PAPPA: variants seen among roughly 807,000 people sequenced by gnomAD.
PAPPA encodes the protein pappalysin-1.
PAPPA carries 60 observed loss-of-function variants against 164.0 expected under a neutral mutation model. The observed-to-expected ratio is 0.37, with a 90% CI of 0.30 to 0.45. PAPPA has a LOEUF of 0.45. Among genes scored for constraint, PAPPA ranks in the 20% least tolerant of loss-of-function variants. The pLI is 1.00. For synonymous variants in PAPPA, 875 were observed against 814.1 expected, an observed-to-expected ratio of 1.07 and a Z score of -1.27; for missense variants, 1,782 against 2,087.3, an observed-to-expected ratio of 0.85 and a Z score of 2.85.
chr9:116,193,877 G>A (rs879211409), intron 2 of PAPPA, among the ~76,000 whole-genome samples: 1 of 152,186 alleles, frequency 6.6e-6, no homozygotes, highest in Admixed American at 6.5e-5. Flanking sequence ...CATGAGCTCT[G>A]AGAAAGGGCA....
chr9:116,304,204 T>G (rs1845615705), intron 10 of PAPPA, among the ~76,000 whole-genome samples: 1 of 152,252 alleles, frequency 6.6e-6, no homozygotes, highest in Non-Finnish European at 1.5e-5. Flanking sequence ...CCCATTAGGC[T>G]GCTGGTTCTT....
At chr9:116,241,461 G>C (rs563168906) in intron 7 of PAPPA, among the ~76,000 whole-genome samples, 14 of 152,262 alleles carry the variant, frequency 9.2e-5, no homozygotes, top group Admixed American at 7.8e-4. Flanking sequence ...ATGAAAGCTA[G>C]CTGAGCTGCC....
intron 21 of PAPPA, among the ~76,000 whole-genome samples, chr9:116,393,247 C>T (rs910062827): frequency 6.6e-6 from 1 of 152,136 alleles, no homozygotes; most frequent in Non-Finnish European, 1.5e-5. Flanking sequence ...TTGCCTTCTA[C>T]CTTTCTCAGA....
In PAPPA at chr9:116,235,465, C is replaced by G; in HGVS notation, c.2560C>G (p.Gln854Glu). The stretch of plus-strand genomic sequence containing the variant: ...CGTGGGCGAGGAGGTGTATGGCATC[C>G]AAATCTACACGCTGGATGAGCACCT... ...WDVGEEVYGI[Q>E]IYTLDEHLEI... The change falls in exon 7 of 22, where the codon CAA (glutamine) becomes GAA (glutamate). Residue 854 changes from glutamine to glutamate, a missense_variant. Gln to Glu is a conservative substitution (Grantham distance 29). Transcript: ENST00000328252. 1 of 1,612,282 alleles carries G rather than the reference C, an allele frequency of 6.2e-7. No homozygotes were observed. Among genetic ancestry groups the G allele is most frequent in the Non-Finnish European group, 8.5e-7 (1 of 1,179,408 alleles).
intron 9 of PAPPA, among the ~76,000 whole-genome samples, chr9:116,278,873 T>C (rs1845234018): frequency 2.6e-5 from 4 of 152,236 alleles, no homozygotes; most frequent in African/African-American, 4.8e-5. Context: ...ATAACATCTA[T>C]AGAGTGTTTA....
rs548957415 is a variant in PAPPA, at chr9:116,399,869, C to T, written c.*3253C>T. On this transcript the variant is annotated 3_prime_UTR_variant, in exon 22 of 22. Transcript: ENST00000328252. ...TCAACACATTGAGTCACTGCCTAGA[C>T]GGTTCTCTTGGTCTTATTCCCATCC... 1.5e-4 allele frequency: 23 copies of T among 152,682 alleles called. No homozygotes were observed. The highest frequency in any genetic ancestry group is 1.9e-4 in the African/African-American group (8 of 41,542). 9.5% of individuals were successfully genotyped at this position (152,682 alleles called of 1,614,324 possible).
intron 1 of PAPPA, among the ~76,000 whole-genome samples, chr9:116,155,980 A>T (rs932994054): frequency 1.3e-5 from 2 of 151,446 alleles, no homozygotes; most frequent in Non-Finnish European, 2.9e-5. Flanking sequence ...TGCCCAGAGG[A>T]GGGTCTAATT....
At chr9:116,165,988 C>A (rs1483939142) in intron 1 of PAPPA, among the ~76,000 whole-genome samples, 1 of 152,114 alleles carries the variant, frequency 6.6e-6, no homozygotes, top group Non-Finnish European at 1.5e-5. Context: ...AGTATCTGAC[C>A]TATAAAGGGG....
Position 116,185,564 on chromosome 9 carries a change from G to A in PAPPA, c.416-1590G>A, listed in dbSNP as rs187612032. Among the ~76,000 whole-genome samples, 89 of 152,262 alleles carry A rather than the reference G, an allele frequency of 5.8e-4. 1 individual carries two copies. The highest frequency in any genetic ancestry group is 1.7e-3 in the South Asian group (8 of 4,816). On this transcript the variant is annotated intron_variant, in intron 1 of 21. Coordinates refer to ENST00000328252, the MANE Select transcript of PAPPA (RefSeq NM_002581.5). ...GAGAGTAGTCACTGTCCTTCTAAAT[G>A]AGCATCTTTTATTCACTCTCCTCTC...
chr9:116,236,916 G>A (rs979228154), intron 7 of PAPPA, among the ~76,000 whole-genome samples: 1 of 152,178 alleles, frequency 6.6e-6, no homozygotes, highest in African/African-American at 2.4e-5. Context: ...GCACTCAACT[G>A]GTGCTCAATT....
At chr9:116,385,230 T>G in intron 21 of PAPPA, among the ~76,000 whole-genome samples, 1 of 132,954 alleles carries the variant, frequency 7.5e-6, no homozygotes, top group Admixed American at 9.0e-5. Context: ...CGAGACTCCA[T>G]CTCAAAATAA....
chr9:116,191,518 G>T (rs1225396950), intron 2 of PAPPA, among the ~76,000 whole-genome samples: 1 of 152,144 alleles, frequency 6.6e-6, no homozygotes, highest in Non-Finnish European at 1.5e-5. Flanking sequence ...CTCTTCACTG[G>T]GGGTGTTGCA....
At chr9:116,255,388 G>C (rs1025678989) in intron 7 of PAPPA, among the ~76,000 whole-genome samples, 3 of 151,974 alleles carry the variant, frequency 2.0e-5, no homozygotes, top group Admixed American at 6.6e-5. Context: ...AAATAGTATG[G>C]AAAATTTGGT....
In PAPPA at chr9:116,401,590, G is replaced by A. The variant is rs1196888945; in HGVS notation, c.*4974G>A. ...TGTATATATAGTTGTACATATATGTGTGTATATATATACTTAAATGTAATA... is the reference window on the plus strand; with the variant it reads ...TGTATATATAGTTGTACATATATGTATGTATATATATACTTAAATGTAATA... On this transcript the variant is annotated 3_prime_UTR_variant, in exon 22 of 22. Transcript: ENST00000328252. 2 of 151,064 alleles carry A rather than the reference G, an allele frequency of 1.3e-5. No individual in the cohort carries two copies. Among genetic ancestry groups the A allele is most frequent in the East Asian group, 3.9e-4 (2 of 5,180 alleles). The allele number at this position is 151,064 out of a possible 1,614,324, so 9.4% of individuals were successfully genotyped here. A position where few individuals can be genotyped will look rare whatever the true frequency, so the allele number is the denominator to read the frequency against.
intron 17 of PAPPA, among the ~76,000 whole-genome samples, chr9:116,361,760 A>G (rs1846429700): frequency 6.6e-6 from 1 of 152,188 alleles, no homozygotes; most frequent in Non-Finnish European, 1.5e-5. Context: ...TAGATCGCAG[A>G]GGCAGGCACT....
intron 15 of PAPPA, among the ~76,000 whole-genome samples, chr9:116,348,296 T>A (rs890816678): frequency 1.3e-5 from 2 of 151,690 alleles, no homozygotes; most frequent in Non-Finnish European, 2.9e-5. Context: ...CAGCAAGGAC[T>A]GGGCAAAGGT....
At chr9:116,196,970 TC>T (rs1844112991) in intron 2 of PAPPA, among the ~76,000 whole-genome samples, 1 of 152,168 alleles carries the variant, frequency 6.6e-6, no homozygotes. Flanking sequence ...CTCCACAAAA[TC>T]ATGAAGTAAG....
At chr9:116,292,150 G>A (rs190625433) in intron 9 of PAPPA, among the ~76,000 whole-genome samples, 1 of 152,322 alleles carries the variant, frequency 6.6e-6, no homozygotes, top group Admixed American at 6.5e-5. Context: ...AAGGAGGACA[G>A]TAACAGAAGA....
intron 9 of PAPPA, among the ~76,000 whole-genome samples, chr9:116,272,505 T>C (rs1845148912): frequency 6.6e-6 from 1 of 152,334 alleles, no homozygotes; most frequent in South Asian, 2.1e-4. Flanking sequence ...AGCTCCGTGA[T>C]GGTGAAGACC....
Sources: allele counts gnomAD v4.1 joint callset (sites outside exome capture counted in the v4.1 genomes callset), GRCh38; gene constraint gnomAD v4.1.1; transcripts MANE v1.5; gene names NCBI Gene and HGNC (gene_info 2026-07-23, HGNC 2026-07-21).